The following GTF3C2 variants were observed in gnomAD, a reference collection of about 807,000 sequenced individuals.
GTF3C2 encodes general transcription factor 3C polypeptide 2.
GTF3C2 carries 17 observed loss-of-function variants against 117.4 expected under a neutral mutation model. That is an observed-to-expected ratio of 0.14 (90% CI 0.10 to 0.22). GTF3C2 has a LOEUF of 0.22. Ranked by LOEUF, GTF3C2 falls within the 10% of genes least tolerant of loss-of-function variation. GTF3C2 has a pLI of 1.00. For missense variants in GTF3C2, 888 were observed against 1,143.6 expected (o/e 0.78, Z 3.22); for synonymous variants, 437 against 427.0 (o/e 1.02, Z -0.29).
At chr2:27,330,880 T>A (rs1025666888) in intron 12 of GTF3C2, among the ~76,000 whole-genome samples, 4 of 152,062 alleles carry the variant, frequency 2.6e-5, no homozygotes, top group African/African-American at 9.7e-5. Flanking sequence ...GAGAACTGCT[T>A]GAACTCGGGA....
At chr2:27,335,532 C>T in intron 10 of GTF3C2, 66 bp downstream of exon 10, 1 of 918,970 alleles carries the variant, frequency 1.1e-6, no homozygotes. Flanking sequence ...TCCAGGGAGA[C>T]AGACAGGCCC....
At chr2:27,337,258 G>C in exon 7 of GTF3C2, 1 of 1,601,878 alleles carries the variant, frequency 6.2e-7, no homozygotes, top group South Asian at 1.1e-5. Flanking sequence ...TTATTCGGTA[G>C]AGGGTGCCAT....
At chr2:27,353,491 C>T (rs1012736765) in intron 1 of GTF3C2, among the ~76,000 whole-genome samples, 1 of 151,178 alleles carries the variant, frequency 6.6e-6, no homozygotes, top group Non-Finnish European at 1.5e-5. Flanking sequence ...CAGGCTGGAG[C>T]GCAGGGGCAT....
chr2:27,341,007 TTG>T (rs1269500183), intron 4 of GTF3C2, among the ~76,000 whole-genome samples: 1 of 152,078 alleles, frequency 6.6e-6, no homozygotes, highest in African/African-American at 2.4e-5. Flanking sequence ...GTTGTACAGT[TTG>T]TGTACAACTG....
intron 1 of GTF3C2, among the ~76,000 whole-genome samples, chr2:27,344,082 TG>T (rs1400116277): frequency 6.6e-6 from 1 of 151,026 alleles, no homozygotes; most frequent in East Asian, 1.9e-4. Context: ...TGGAGTGTAA[TG>T]GGGCAATCTC....
At chr2:27,339,972 G>A (rs1412277893) in intron 4 of GTF3C2, 1 of 127,830 alleles carries the variant, frequency 7.8e-6, no homozygotes, top group African/African-American at 3.2e-5. Context: ...GGGTGACAGA[G>A]CAAGACTCTG....
intron 1 of GTF3C2, among the ~76,000 whole-genome samples, chr2:27,355,277 C>T (rs1037033970): frequency 6.6e-6 from 1 of 152,118 alleles, no homozygotes; most frequent in African/African-American, 2.4e-5. Context: ...AATCCCAGCA[C>T]TTTAGGAGGC....
At chr2:27,337,138 C>G (rs1680514759) in intron 7 of GTF3C2, 106 bp downstream of exon 7, 1 of 680,160 alleles carries the variant, frequency 1.5e-6, no homozygotes. Flanking sequence ...ACCAACTGAA[C>G]CAGCATCAGG....
chr2:27,329,593 G>GATAC lies in GTF3C2; in HGVS notation c.1733-71_1733-70insGTAT. 6.8e-7 allele frequency: 1 copy of GATAC among 1,480,736 alleles called. No individual in the cohort carries two copies. Among genetic ancestry groups the GATAC allele is most frequent in the Admixed American group, 1.8e-5 (1 of 57,028 alleles). 91.7% of individuals were successfully genotyped at this position (1,480,736 alleles called of 1,614,324 possible). A position where few individuals can be genotyped will look rare whatever the true frequency, so the allele number is the denominator to read the frequency against. On this transcript the variant is annotated intron_variant, in intron 12 of 18. Transcript: ENST00000264720. The surrounding 1 kb of genome is among the most constrained non-coding windows in gnomAD (Gnocchi z 4.5). Reference sequence around the variant, plus strand: ...CTTCCTTGCTCTAATTTCTTTCTCTGGGCTCCTAGGACCTTTGTCTTCTAC... The same window carrying GATAC: ...CTTCCTTGCTCTAATTTCTTTCTCTGATACGGCTCCTAGGACCTTTGTCTTCTAC...
chr2:27,350,544 A>C, intron 1 of GTF3C2: 1 of 981,606 alleles, frequency 1.0e-6, no homozygotes, highest in Non-Finnish European at 1.2e-6. Context: ...TCATGCCTGT[A>C]ATCTCAACAC....
chr2:27,343,701 T>A, intron 1 of GTF3C2, 123 bp from the exon 2 acceptor site: 1 of 755,032 alleles, frequency 1.3e-6, no homozygotes, highest in Non-Finnish European at 2.1e-6. Context: ...ATTATTCACT[T>A]ATTCAACAAT....
At chr2:27,341,868 T>C in intron 4 of GTF3C2, 80 bp downstream of exon 4, 2 of 1,221,044 alleles carry the variant, frequency 1.6e-6, no homozygotes, top group African/African-American at 1.5e-5. Flanking sequence ...AGGTCAAAGC[T>C]GTCCTTCCTT....
chr2:27,328,411 T>G, intron 16 of GTF3C2, 57 bp downstream of exon 16: 10 of 1,588,172 alleles, frequency 6.3e-6, no homozygotes, highest in Non-Finnish European at 7.8e-6. Flanking sequence ...CTACCAGAAT[T>G]TGGGAGGGCA....
chr2:27,338,817 T>C (rs992155260), intron 4 of GTF3C2, among the ~76,000 whole-genome samples: 8 of 151,174 alleles, frequency 5.3e-5, no homozygotes, highest in African/African-American at 1.9e-4. Context: ...GGATTACAGG[T>C]GTGAGCCACC....
chr2:27,341,264 G>A (rs1444282578), intron 4 of GTF3C2, among the ~76,000 whole-genome samples: 1 of 151,360 alleles, frequency 6.6e-6, no homozygotes, highest in African/African-American at 2.4e-5. Flanking sequence ...TCAAACTCCT[G>A]ACCTCGGGTG....
chr2:27,337,687 T>G, intron 5 of GTF3C2, 129 bp from the exon 6 acceptor site: 1 of 749,254 alleles, frequency 1.3e-6, no homozygotes, highest in Non-Finnish European at 2.4e-6. Context: ...TAGCTCCAAT[T>G]AGCTACCAAG....
At position 27,345,465 on chromosome 2, in the gene GTF3C2, C is replaced by A. The variant is rs970055018; in HGVS notation, c.-24-1887G>T. Among the ~76,000 whole-genome samples the A allele has an allele frequency of 6.6e-5, 10 of 151,518 alleles. No individual in the cohort carries two copies. The South Asian group carries it at 1.7e-3, about 25-fold the overall frequency. ...AAAATTAGCTGGGCATGGTGGCAGGCGCCTGTAATCCCAGCTACTCAGGAG... is the reference window on the plus strand; with the variant it reads ...AAAATTAGCTGGGCATGGTGGCAGGAGCCTGTAATCCCAGCTACTCAGGAG... On this transcript the variant is annotated intron_variant, in intron 1 of 18. Coordinates refer to ENST00000264720, the Ensembl canonical transcript of GTF3C2.
intron 5 of GTF3C2, 116 bp from the exon 6 acceptor site, chr2:27,337,674 T>C (rs1680541487): frequency 1.3e-6 from 1 of 790,056 alleles, no homozygotes; most frequent in Non-Finnish European, 2.2e-6. Context: ...ATATGCCAGT[T>C]GCTAGCTCCA....
rs570166370 is a variant in GTF3C2, at chr2:27,334,639, A to G, written c.1577-640T>C. On this transcript the variant is annotated intron_variant, in intron 10 of 18. Transcript: ENST00000264720. The stretch of plus-strand genomic sequence containing the variant: ...CCCTCAATTACTGGTTCCCCTTCAC[A>G]GCGAAATTTTTTTTTTTTTTTCAGA... 3.7e-3 allele frequency among the ~76,000 whole-genome samples: 558 copies of G among 151,162 alleles called. 1 individual carries two copies. The highest frequency in any genetic ancestry group is 0.013 in the African/African-American group (528 of 41,054).
Sources: allele counts gnomAD v4.1 joint callset (sites outside exome capture counted in the v4.1 genomes callset), GRCh38; gene constraint gnomAD v4.1.1; non-coding constraint Gnocchi (gnomAD v3.1); transcripts MANE v1.5; gene names NCBI Gene and HGNC (gene_info 2026-07-23, HGNC 2026-07-21).